The following SYNPR variants were observed in gnomAD, a reference collection of about 807,000 sequenced individuals.
The protein encoded by SYNPR is synaptoporin.
In SYNPR, 23 loss-of-function variants were observed where a neutral mutation model predicts 32.9. The ratio of observed to expected loss-of-function variants is 0.70; its 90% CI spans 0.50 to 0.99. The LOEUF is 0.99. Ranked by LOEUF, SYNPR falls within the 50% of genes least tolerant of loss-of-function variation. The pLI is 0.00. For missense variants in SYNPR, 318 were observed against 349.3 expected (o/e 0.91, Z 0.71); for synonymous variants, 146 against 135.9 (o/e 1.07, Z -0.52).
At chr3:63,455,517 G>C (rs928237944) in intron 2 of SYNPR, among the ~76,000 whole-genome samples, 20 of 151,916 alleles carry the variant, frequency 1.3e-4, no homozygotes, top group Non-Finnish European at 2.8e-4. Context: ...ATGAAATTTG[G>C]GAAAGAATAA....
At chr3:63,323,701 A>T (rs762126247) in intron 2 of SYNPR, among the ~76,000 whole-genome samples, 17 of 152,120 alleles carry the variant, frequency 1.1e-4, no homozygotes, top group Non-Finnish European at 2.2e-4. Context: ...TAGACAAAGA[A>T]AAGAAAAACA....
At chr3:63,286,014 C>G (rs189393161) in intron 2 of SYNPR, among the ~76,000 whole-genome samples, 1 of 152,282 alleles carries the variant, frequency 6.6e-6, no homozygotes, top group Admixed American at 6.5e-5. Flanking sequence ...TAGGAAATTA[C>G]AGATAACTTT....
chr3:63,379,039 T>C (rs2087931628), intron 2 of SYNPR, among the ~76,000 whole-genome samples: 1 of 152,184 alleles, frequency 6.6e-6, no homozygotes, highest in African/African-American at 2.4e-5. Flanking sequence ...AAAATTTCTT[T>C]TGAGACTTTT....
intron 2 of SYNPR, among the ~76,000 whole-genome samples, chr3:63,385,540 T>C (rs1383444581): frequency 6.6e-6 from 1 of 152,210 alleles, no homozygotes; most frequent in African/African-American, 2.4e-5. Flanking sequence ...AAACAATGGA[T>C]ATGAACTCAC....
intron 2 of SYNPR, among the ~76,000 whole-genome samples, chr3:63,403,470 A>G (rs1036441227): frequency 1.3e-5 from 2 of 150,842 alleles, no homozygotes; most frequent in Non-Finnish European, 2.9e-5. Context: ...ACACACACAC[A>G]TAGAGAGAGA....
chr3:63,571,797 GA>G (rs1355354625), intron 4 of SYNPR, among the ~76,000 whole-genome samples: 1 of 152,172 alleles, frequency 6.6e-6, no homozygotes, highest in East Asian at 1.9e-4. Flanking sequence ...AATTTTTCCA[GA>G]AGAAAAAAAT....
chr3:63,474,787 C>T (rs1360829296), intron 2 of SYNPR, among the ~76,000 whole-genome samples: 1 of 152,096 alleles, frequency 6.6e-6, no homozygotes, highest in Non-Finnish European at 1.5e-5. Context: ...CCCTTACCTA[C>T]CAGTCTCCTG....
intron 2 of SYNPR, among the ~76,000 whole-genome samples, chr3:63,407,273 C>T (rs991973785): frequency 7.2e-5 from 11 of 152,156 alleles, no homozygotes; most frequent in Admixed American, 6.5e-4. Flanking sequence ...ACTTCTTTAT[C>T]CCTGTTATTA....
chr3:63,279,901 A>T (rs2086612566), intron 2 of SYNPR, among the ~76,000 whole-genome samples: 1 of 152,236 alleles, frequency 6.6e-6, no homozygotes, highest in South Asian at 2.1e-4. Context: ...GAAGGCTTGA[A>T]TTAGTGGTTC....
chr3:63,438,573 G>A (rs542059645), intron 2 of SYNPR, among the ~76,000 whole-genome samples: 23 of 152,160 alleles, frequency 1.5e-4, no homozygotes, highest in Admixed American at 3.3e-4. Context: ...TTTTTATCTC[G>A]TTAGTATTTG....
At chr3:63,456,082 G>C (rs978200871) in intron 2 of SYNPR, among the ~76,000 whole-genome samples, 1 of 152,002 alleles carries the variant, frequency 6.6e-6, no homozygotes, top group African/African-American at 2.4e-5. Context: ...TCGTGCAGGG[G>C]AATTCCTCTT....
intron 2 of SYNPR, among the ~76,000 whole-genome samples, chr3:63,261,366 C>A (rs1231818252): frequency 6.6e-6 from 1 of 151,714 alleles, no homozygotes; most frequent in African/African-American, 2.4e-5. Context: ...CACATATACA[C>A]CATGGGATAC....
chr3:63,250,135 G>A (rs1575575793), intron 1 of SYNPR, among the ~76,000 whole-genome samples: 1 of 151,976 alleles, frequency 6.6e-6, no homozygotes, highest in Non-Finnish European at 1.5e-5. Flanking sequence ...GATAAATATG[G>A]CTAACCATAA....
chr3:63,556,030 A>T (rs566931343), intron 3 of SYNPR, among the ~76,000 whole-genome samples: 1 of 152,330 alleles, frequency 6.6e-6, no homozygotes, highest in East Asian at 1.9e-4. Flanking sequence ...GGGAAATGTC[A>T]GGGGGCAGAG....
At chr3:63,540,338 T>C (rs147833181) in intron 3 of SYNPR, among the ~76,000 whole-genome samples, 34 of 152,148 alleles carry the variant, frequency 2.2e-4, no homozygotes, top group African/African-American at 7.9e-4. Context: ...AGCAAGGAAG[T>C]GGTGGAGATT....
At chr3:63,472,314 G>A (rs1023116369) in intron 2 of SYNPR, among the ~76,000 whole-genome samples, 2 of 152,192 alleles carry the variant, frequency 1.3e-5, no homozygotes, top group African/African-American at 4.8e-5. Flanking sequence ...CTTAGGAGTA[G>A]ATCATGTGAC....
intron 2 of SYNPR, among the ~76,000 whole-genome samples, chr3:63,291,190 CA>C (rs1282673046): frequency 6.6e-6 from 1 of 151,472 alleles, no homozygotes; most frequent in Non-Finnish European, 1.5e-5. Context: ...CATTGAACCT[CA>C]AGTTTCTCAG....
At chr3:63,363,628 C>A (rs1426607273) in intron 2 of SYNPR, among the ~76,000 whole-genome samples, 1 of 152,182 alleles carries the variant, frequency 6.6e-6, no homozygotes, top group African/African-American at 2.4e-5. Context: ...GTTTTCTTCT[C>A]TGTCAGATAA....
chr3:63,369,715 G>A (rs1290815001), intron 2 of SYNPR, among the ~76,000 whole-genome samples: 1 of 152,166 alleles, frequency 6.6e-6, no homozygotes, highest in African/African-American at 2.4e-5. Context: ...GAGAGGCTTT[G>A]ACATTGCTCT....
Sources: gnomAD v4.1 joint callset for allele counts (sites outside exome capture counted in the v4.1 genomes callset) on GRCh38, gnomAD v4.1.1 for gene constraint, MANE v1.5 for transcripts, NCBI Gene and HGNC (gene_info 2026-07-23, HGNC 2026-07-21) for gene names.